Variants in ATOSA observed in about 807,000 individuals in gnomAD.
ATOSA encodes the protein atos homolog protein A.
chr15:52,678,704 C>T, the ATOSA span: 1 of 153,272 alleles, frequency 6.5e-6, no homozygotes, highest in Non-Finnish European at 1.5e-5. Context: ...GCGACCCTAC[C>T]AACTCCCAAC....
At chr15:52,691,977 T>C in the ATOSA span, among the ~76,000 whole-genome samples, 29 of 152,104 alleles carry the variant, frequency 1.9e-4, no homozygotes, top group African/African-American at 5.6e-4. Flanking sequence ...CCTTTTTTTT[T>C]CCTTAAATAA....
the ATOSA span, among the ~76,000 whole-genome samples, chr15:52,684,093 T>G: frequency 6.6e-6 from 1 of 152,232 alleles, no homozygotes; most frequent in Non-Finnish European, 1.5e-5. Context: ...GGCACAAAGA[T>G]TCAAGTGATT....
At chr15:52,674,633 T>C in the ATOSA span, among the ~76,000 whole-genome samples, 11 of 152,212 alleles carry the variant, frequency 7.2e-5, no homozygotes, top group African/African-American at 2.7e-4. Context: ...GTAGCTTTTA[T>C]ATTTTCTCAG....
chr15:52,639,526 G>C, the ATOSA span, among the ~76,000 whole-genome samples: 1 of 152,134 alleles, frequency 6.6e-6, no homozygotes, highest in Non-Finnish European at 1.5e-5. Flanking sequence ...AAATACAACA[G>C]TCTGGGAAAT....
At chr15:52,688,691 A>T in the ATOSA span, among the ~76,000 whole-genome samples, 1 of 152,246 alleles carries the variant, frequency 6.6e-6, no homozygotes, top group Non-Finnish European at 1.5e-5. Context: ...ATGAGGTTTT[A>T]TCTGAAGGTA....
chr15:52,696,885 A>G, the ATOSA span, among the ~76,000 whole-genome samples: 3 of 151,690 alleles, frequency 2.0e-5, no homozygotes, highest in Non-Finnish European at 4.4e-5. Flanking sequence ...TATAAATTAT[A>G]TTCTGGGGGA....
the ATOSA span, among the ~76,000 whole-genome samples, chr15:52,642,708 C>T: frequency 6.6e-6 from 1 of 152,186 alleles, no homozygotes; most frequent in East Asian, 1.9e-4. Context: ...AGTCTGACTG[C>T]TATTTCAGCA....
chr15:52,661,512 C>G, the ATOSA span, among the ~76,000 whole-genome samples: 1 of 152,228 alleles, frequency 6.6e-6, no homozygotes, highest in Non-Finnish European at 1.5e-5. Context: ...GAAACTCACA[C>G]ACTCTAAAGA....
chr15:52,635,695 CA>C, the ATOSA span, among the ~76,000 whole-genome samples: 1 of 151,346 alleles, frequency 6.6e-6, no homozygotes, highest in African/African-American at 2.4e-5. Context: ...GATCCTATCT[CA>C]AAAAAAATAA....
chr15:52,659,403 T>C, the ATOSA span, among the ~76,000 whole-genome samples: 1 of 152,212 alleles, frequency 6.6e-6, no homozygotes, highest in Non-Finnish European at 1.5e-5. Flanking sequence ...ATCACAACTG[T>C]TTATTGCAGA....
At chr15:52,596,824 C>T in the ATOSA span, among the ~76,000 whole-genome samples, 226 of 152,106 alleles carry the variant, frequency 1.5e-3, no homozygotes, top group African/African-American at 4.3e-3. Flanking sequence ...AAAGAAAATT[C>T]GACATCAAAA....
chr15:52,699,392 A>G, the ATOSA span, among the ~76,000 whole-genome samples: 2 of 151,930 alleles, frequency 1.3e-5, no homozygotes, highest in African/African-American at 4.8e-5. Context: ...TGTAAAGTAT[A>G]TATGGTCATC....
chr15:52,658,812 A>G, the ATOSA span: 1 of 389,590 alleles, frequency 2.6e-6, no homozygotes, highest in South Asian at 1.3e-4. Context: ...AAAAAAAAAA[A>G]AAAAAAAAAA....
chr15:52,667,935 A>G, the ATOSA span, among the ~76,000 whole-genome samples: 8 of 152,252 alleles, frequency 5.3e-5, no homozygotes, highest in Non-Finnish European at 1.2e-4. Context: ...GGATGTGGAG[A>G]AAAGGGAACA....
the ATOSA span, among the ~76,000 whole-genome samples, chr15:52,619,048 C>T: frequency 6.6e-6 from 1 of 151,972 alleles, no homozygotes; most frequent in Admixed American, 6.6e-5. Context: ...TGTTAATTAC[C>T]AATGTAACTA....
At chr15:52,638,855 A>G in the ATOSA span, among the ~76,000 whole-genome samples, 1 of 152,140 alleles carries the variant, frequency 6.6e-6, no homozygotes, top group Non-Finnish European at 1.5e-5. Flanking sequence ...TAATTTTTAA[A>G]AATTACTTCC....
the ATOSA span, among the ~76,000 whole-genome samples, chr15:52,647,917 T>C: frequency 5.3e-5 from 8 of 152,294 alleles, no homozygotes; most frequent in South Asian, 8.3e-4. Flanking sequence ...AGCCATGCAC[T>C]TACCCATGAA....
chr15:52,615,337 A>C, the ATOSA span, among the ~76,000 whole-genome samples: 1 of 152,240 alleles, frequency 6.6e-6, no homozygotes, highest in Non-Finnish European at 1.5e-5. Flanking sequence ...TTGAACATTC[A>C]TACACAAAAG....
At chr15:52,610,089 C>T in the ATOSA span, 3 of 1,613,866 alleles carry the variant, frequency 1.9e-6, no homozygotes, top group South Asian at 3.3e-5. Flanking sequence ...TTTCAGGTGC[C>T]ATGGTCCAAG....
Sources: gnomAD v4.1 joint callset for allele counts (sites outside exome capture counted in the v4.1 genomes callset) on GRCh38, gnomAD v4.1.1 for gene constraint, MANE v1.5 for transcripts, NCBI Gene and HGNC (gene_info 2026-07-23, HGNC 2026-07-21) for gene names.